The following IQCH variants were observed in gnomAD, a reference collection of about 807,000 sequenced individuals.
IQCH encodes the protein IQ motif containing H, also known as IQ domain-containing protein H.
A neutral mutation model predicts 117.0 loss-of-function variants in IQCH; 98 were observed. That is an observed-to-expected ratio of 0.84 (90% CI 0.71 to 0.99). The LOEUF is 0.99. IQCH is among the 50% of genes least tolerant of loss of function. IQCH has a pLI of 0.00. For missense variants in IQCH, 1,102 were observed against 1,243.8 expected, an observed-to-expected ratio of 0.89 and a Z score of 1.72; for synonymous variants, 412 against 448.2, an observed-to-expected ratio of 0.92 and a Z score of 1.02.
At chr15:67,377,505 A>G (rs1460705444) in intron 10 of IQCH, among the ~76,000 whole-genome samples, 1 of 152,246 alleles carries the variant, frequency 6.6e-6, no homozygotes, top group African/African-American at 2.4e-5. Flanking sequence ...AGATGTCTAA[A>G]TAAAACCTAC....
At chr15:67,269,108 A>G (rs752638829) in intron 3 of IQCH, among the ~76,000 whole-genome samples, 1 of 152,186 alleles carries the variant, frequency 6.6e-6, no homozygotes, top group South Asian at 2.1e-4. Context: ...ACCAGTAAGC[A>G]TGTGGAAAGT....
intron 17 of IQCH, among the ~76,000 whole-genome samples, chr15:67,468,890 T>C (rs1009427541): frequency 3.3e-5 from 5 of 152,346 alleles, no homozygotes; most frequent in South Asian, 4.1e-4. Flanking sequence ...ATTTCAACTA[T>C]GTCAACTGAA....
intron 16 of IQCH, among the ~76,000 whole-genome samples, chr15:67,437,584 G>C (rs1022409538): frequency 3.3e-5 from 5 of 152,150 alleles, no homozygotes; most frequent in Admixed American, 2.0e-4. Context: ...AAGAATTCAG[G>C]AGGTTATTAA....
In IQCH at chr15:67,363,525, C is replaced by T. The variant is rs574062217; in HGVS notation, c.753+3640C>T. 4.6e-5 allele frequency among the ~76,000 whole-genome samples: 7 copies of T among 152,132 alleles called. No homozygotes were observed. The East Asian group carries it at 1.2e-3, about 25-fold the overall frequency. On this transcript the variant is annotated intron_variant, in intron 8 of 20. Transcript: ENST00000335894. ...CCTCCCAAAGTGCTGGGATTACAGG[C>T]GTGAGCCACCATTCCCAGCCTAATT...
rs181211210 is a variant in IQCH, at chr15:67,445,250, G to C, written c.2506-19877G>C. On this transcript the variant is annotated intron_variant, in intron 16 of 20. Coordinates refer to ENST00000335894, the MANE Select transcript of IQCH (RefSeq NM_001031715.3). The surrounding 1 kb of genome is among the most constrained non-coding windows in gnomAD (Gnocchi z 4.3). The stretch of plus-strand genomic sequence containing the variant: ...GTTACATGAATCTTTTGCATAAATG[G>C]AACTGTTTTAGCAATATGTATATTC... Among the ~76,000 whole-genome samples, 73 of 152,174 alleles carry C rather than the reference G, an allele frequency of 4.8e-4. 2 individuals are homozygous for C. The East Asian group carries it at 5.8e-3, about 12-fold the overall frequency.
intron 4 of IQCH, among the ~76,000 whole-genome samples, chr15:67,321,612 CTCTCT>C (rs1968139086): frequency 6.9e-6 from 1 of 145,724 alleles, no homozygotes; most frequent in African/African-American, 2.5e-5. Flanking sequence ...TTTCCTTTCC[CTCTCT>C]TCTCTTTCTT....
rs1449301949 is a variant in IQCH at position 67,434,990 on chromosome 15, TTTTTTTTAA to T, written c.2505+13421_2505+13429del. Among the ~76,000 whole-genome samples the T allele has an allele frequency of 1.0e-4, 15 of 143,830 alleles. 1 individual carries two copies. The highest frequency in any genetic ancestry group is 2.3e-4 in the South Asian group (1 of 4,290). 94.4% of individuals were successfully genotyped at this position (143,830 alleles called of 152,430 possible). ...TATTTTTGTATTTTGTATCTTTGTT[TTTTTTTTAA>T]TTTTTTTTAATTTTTTTAAGCTAAT... On this transcript the variant is annotated intron_variant, in intron 16 of 20. Transcript: ENST00000335894.
chr15:67,450,301 T>A (rs1178248970), intron 16 of IQCH, among the ~76,000 whole-genome samples: 6 of 152,274 alleles, frequency 3.9e-5, no homozygotes, highest in African/African-American at 1.2e-4. Flanking sequence ...GTCTTGTGCC[T>A]GTTTTCAAAG....
intron 18 of IQCH, among the ~76,000 whole-genome samples, chr15:67,489,220 A>C (rs915324929): frequency 2.0e-5 from 3 of 151,418 alleles, no homozygotes; most frequent in Admixed American, 6.6e-5. Flanking sequence ...TTTTTAGTAG[A>C]GATGGGGTTT....
intron 16 of IQCH, among the ~76,000 whole-genome samples, chr15:67,428,305 T>A (rs569613530): frequency 6.6e-6 from 1 of 151,846 alleles, no homozygotes; most frequent in African/African-American, 2.4e-5. Flanking sequence ...AAGAAAAAAA[T>A]ATATAAATGC....
At chr15:67,322,602 G>A (rs542250725) in intron 4 of IQCH, among the ~76,000 whole-genome samples, 23 of 152,264 alleles carry the variant, frequency 1.5e-4, no homozygotes, top group South Asian at 4.1e-4. Flanking sequence ...GGGCCCTGAC[G>A]CTGGAGGTGC....
In IQCH at chr15:67,263,197, A is replaced by G; in HGVS notation, c.250A>G (p.Thr84Ala). 6.4e-7 allele frequency: 1 copy of G among 1,562,660 alleles called. No individual in the cohort carries two copies. Among genetic ancestry groups the G allele is most frequent in the Non-Finnish European group, 8.8e-7 (1 of 1,134,044 alleles). Residue 84 changes from threonine to alanine, a missense_variant, in exon 3 of 21, where the codon ACT becomes GCT. Around this residue, in one of 2 missense-constraint regions of IQCH, gnomAD observed 452 missense variants for 449.6 expected, o/e 1.01. Transcript: ENST00000335894. ...TTCTGTTAATGATGAGAGCTTATAT[A>G]CTCCCCAGGCTTCCAAATGGTAAGT... Reference protein sequence around the residue: ...TTSVNDESLYTPQASKWLLPT... With the variant: ...TTSVNDESLYAPQASKWLLPT...
intron 4 of IQCH, among the ~76,000 whole-genome samples, chr15:67,280,705 A>G (rs1337645200): frequency 6.6e-6 from 1 of 152,144 alleles, no homozygotes; most frequent in Non-Finnish European, 1.5e-5. Flanking sequence ...GAGGCGGGGC[A>G]CAAACATTCA....
At position 67,453,816 on chromosome 15, in the gene IQCH, C is replaced by A. The variant is rs2082592874; in HGVS notation, c.2506-11311C>A. Among the ~76,000 whole-genome samples the A allele has an allele frequency of 6.6e-6, 1 of 152,220 alleles. No homozygotes were observed. Among genetic ancestry groups the A allele is most frequent in the Admixed American group, 6.5e-5 (1 of 15,292 alleles). ...CTTTTTGTTTGTCTGTGCCCTGCCC[C>A]CAGAGGTGGCGCCTACAGAGGCAGG... is the stretch of plus-strand genomic sequence containing the variant. On this transcript the variant is annotated intron_variant, in intron 16 of 20. Transcript: ENST00000335894. This position sits in a 1 kb window ranked among gnomAD's most constrained non-coding sequence, Gnocchi z 5.8.
Position 67,359,802 on chromosome 15 carries a change from A to G in IQCH, c.715-45A>G, listed in dbSNP as rs779418098. On this transcript the variant is annotated intron_variant, in intron 7 of 20. Transcript: ENST00000335894. This position sits in a 1 kb window ranked among gnomAD's most constrained non-coding sequence, Gnocchi z 4.5. ...TTCTATTTGTTTTGTAAAATTGCCC[A>G]TGAGAGTCGTTTTGATTTAAACTGT... is the stretch of plus-strand genomic sequence containing the variant. 8.5e-6 allele frequency: 13 copies of G among 1,533,208 alleles called. No individual in the cohort carries two copies. Among genetic ancestry groups the G allele is most frequent in the African/African-American group, 1.4e-5 (1 of 73,782 alleles). 95.0% of individuals were successfully genotyped at this position (1,533,208 alleles called of 1,614,324 possible).
chr15:67,283,569 T>G (rs1966450409), intron 4 of IQCH, among the ~76,000 whole-genome samples: 1 of 152,088 alleles, frequency 6.6e-6, no homozygotes. Flanking sequence ...AGAGGGAAAG[T>G]GGGACCATGT....
chr15:67,373,524 T>G (rs1288754007), intron 10 of IQCH, 91 bp downstream of exon 10: 1 of 875,898 alleles, frequency 1.1e-6, no homozygotes, highest in Admixed American at 1.7e-5. Flanking sequence ...GCCCCTTGTT[T>G]TATTCAAATT....
chr15:67,440,842 A>T (rs1421891686), intron 16 of IQCH, among the ~76,000 whole-genome samples: 1 of 152,176 alleles, frequency 6.6e-6, no homozygotes, highest in Non-Finnish European at 1.5e-5. Context: ...CTCCTCTTTA[A>T]CAGTACTGGA....
rs1200200322 is a variant in IQCH, at chr15:67,254,894, G to T, written c.-3G>T. ...GCGGAGGTAGCCGTTCCCTGACCTA[G>T]CCATGGCACAGAACACTGAAAACCA... On this transcript the variant is annotated 5_prime_UTR_variant, in exon 1 of 21. Transcript: ENST00000335894. The T allele has an allele frequency of 6.2e-7, 1 of 1,613,532 alleles. No homozygotes were observed. The highest frequency in any genetic ancestry group is 1.7e-5 in the Admixed American group (1 of 59,980).
Sources: allele counts gnomAD v4.1 joint callset (sites outside exome capture counted in the v4.1 genomes callset), GRCh38; gene constraint gnomAD v4.1.1; regional missense constraint gnomAD v4.1.1; non-coding constraint Gnocchi (gnomAD v3.1); transcripts MANE v1.5; gene names NCBI Gene and HGNC (gene_info 2026-07-23, HGNC 2026-07-21).